Variants in ERMP1 observed in about 807,000 individuals in gnomAD.
The protein encoded by ERMP1 is Felix-ina.
In ERMP1, 86 loss-of-function variants were observed where a neutral mutation model predicts 92.0. The ratio of observed to expected loss-of-function variants is 0.93; its 90% CI spans 0.79 to 1.12. ERMP1 has a LOEUF of 1.12. Ranked by LOEUF, ERMP1 falls within the 50% of genes most tolerant of loss-of-function variation. ERMP1 has a pLI of 0.00. For missense variants in ERMP1, 1,342 were observed against 1,116.3 expected (o/e 1.20, Z -2.88); for synonymous variants, 530 against 412.8 (o/e 1.28, Z -3.44).
chr9:5,865,335 G>A (rs139204051), intron 5 of ERMP1, among the ~76,000 whole-genome samples: 3 of 151,448 alleles, frequency 2.0e-5, no homozygotes, highest in South Asian at 2.1e-4. Context: ...GTGAAACCCC[G>A]TCTCTACTAA....
intron 2 of ERMP1, among the ~76,000 whole-genome samples, chr9:5,825,721 G>C (rs990369154): frequency 6.6e-6 from 1 of 152,030 alleles, no homozygotes; most frequent in Non-Finnish European, 1.5e-5. Context: ...TTCCTTTAAG[G>C]CTTCTCCAAG....
chr9:5,806,364 GATTT>G (rs1013193148), intron 8 of ERMP1, among the ~76,000 whole-genome samples: 2 of 151,168 alleles, frequency 1.3e-5, no homozygotes, highest in Non-Finnish European at 2.9e-5. Flanking sequence ...CAGTTTTTGA[GATTT>G]AAAGTCCAAG....
chr9:5,788,326 T>A (rs1828025896), intron 13 of ERMP1, among the ~76,000 whole-genome samples: 1 of 152,152 alleles, frequency 6.6e-6, no homozygotes, highest in African/African-American at 2.4e-5. Flanking sequence ...ACTACTATAG[T>A]GTCCAGTCAA....
At chr9:5,831,164 T>C (rs1829924398) in intron 1 of ERMP1, 136 bp from the exon 2 acceptor site, 1 of 631,140 alleles carries the variant, frequency 1.6e-6, no homozygotes, top group Non-Finnish European at 2.7e-6. Flanking sequence ...CGCCTTTCAT[T>C]ATTTCAGACA....
rs1198801022 is a variant in ERMP1, at chr9:5,832,842, C to G, written c.186G>C (p.Arg62Ser). The G allele has an allele frequency of 2.7e-6, 4 of 1,503,936 alleles. No individual in the cohort carries two copies. Among genetic ancestry groups the G allele is most frequent in the Non-Finnish European group, 3.5e-6 (4 of 1,134,616 alleles). The allele number at this position is 1,503,936 out of a possible 1,614,324, so 93.2% of individuals were successfully genotyped here. A position where few individuals can be genotyped will look rare whatever the true frequency, so the allele number is the denominator to read the frequency against. ...RSPGGSGGAS[R>S]GAGTGLSEVR... ...CCTCAGACAGCCCGGTCCCCGCGCC[C>G]CTGCTCGCGCCGCCGCTACCCCCGG... is the stretch of plus-strand genomic sequence containing the variant. Residue 62 changes from arginine to serine, a missense_variant, in exon 1 of 15, where the codon AGG (arginine) becomes AGC (serine). By Grantham distance (110) the Arg-to-Ser change is moderately radical (BLOSUM62 -1). Transcript: ENST00000339450.
chr9:5,812,282 A>C, intron 5 of ERMP1, 65 bp from the exon 6 acceptor site: 1 of 908,514 alleles, frequency 1.1e-6, no homozygotes, highest in South Asian at 1.7e-5. Flanking sequence ...CTTTCGACCT[A>C]TTTCTTTAAT....
At chr9:5,823,343 C>T (rs1829612636) in intron 4 of ERMP1, among the ~76,000 whole-genome samples, 1 of 152,102 alleles carries the variant, frequency 6.6e-6, no homozygotes, top group African/African-American at 2.4e-5. Flanking sequence ...TAACATTCCA[C>T]TAAATCAATG....
chr9:5,824,103 T>C (rs1829644912), intron 3 of ERMP1, 102 bp from the exon 4 acceptor site: 2 of 821,124 alleles, frequency 2.4e-6, no homozygotes, highest in African/African-American at 1.7e-5. Flanking sequence ...AGGTAAGGAA[T>C]ATGAAAACAA....
chr9:5,832,085 TAAAA>T (rs71487835), intron 1 of ERMP1, among the ~76,000 whole-genome samples: 1 of 135,828 alleles, frequency 7.4e-6, no homozygotes, highest in African/African-American at 2.7e-5. Flanking sequence ...TTAAAGGTCT[TAAAA>T]AAAAAAAAAA....
chr9:5,837,694 G>A (rs976667706), upstream of ERMP1, among the ~76,000 whole-genome samples: 1 of 152,052 alleles, frequency 6.6e-6, no homozygotes, highest in Non-Finnish European at 1.5e-5. Context: ...ATATGCATGC[G>A]TGCACAAAAA....
At chr9:5,837,440 TAATC>T (rs1243802151), upstream of ERMP1, among the ~76,000 whole-genome samples, 3 of 152,250 alleles carry the variant, frequency 2.0e-5, no homozygotes, top group Admixed American at 1.3e-4. Flanking sequence ...ATATTTATAA[TAATC>T]AAGACTCAAA....
chr9:5,797,961 G>T, intron 12 of ERMP1, 29 bp from the exon 13 acceptor site: 5 of 1,409,946 alleles, frequency 3.5e-6, no homozygotes, highest in Non-Finnish European at 5.0e-6. Context: ...TCAGTTTTAG[G>T]GTGCTTTATT....
chr9:5,828,361 G>A (rs949436429), intron 2 of ERMP1, among the ~76,000 whole-genome samples: 1 of 152,148 alleles, frequency 6.6e-6, no homozygotes, highest in Non-Finnish European at 1.5e-5. Context: ...CCCCTTGTTT[G>A]CCTAAAAGCA....
At chr9:5,850,405 CAAA>C (rs59464514) in intron 6 of ERMP1, among the ~76,000 whole-genome samples, 9 of 40,598 alleles carry the variant, frequency 2.2e-4, no homozygotes, top group East Asian at 1.0e-3. Flanking sequence ...AACTCCGTCT[CAAA>C]AAAAAAAAAA....
upstream of ERMP1, among the ~76,000 whole-genome samples, chr9:5,834,959 T>TA (rs113512744): frequency 2.7e-4 from 39 of 143,590 alleles, no homozygotes; most frequent in South Asian, 6.6e-4. Context: ...GATAGACAGA[T>TA]GATAGATGGA....
At position 5,823,877 on chromosome 9, in the gene ERMP1, A is replaced by C. The variant is rs745771582; in HGVS notation, c.874+19T>G. 46 of 1,513,560 alleles carry C rather than the reference A, an allele frequency of 3.0e-5. No individual in the cohort carries two copies. The highest frequency in any genetic ancestry group is 4.1e-5 in the Non-Finnish European group (45 of 1,096,582). 93.8% of individuals were successfully genotyped at this position (1,513,560 alleles called of 1,614,324 possible). ...AAACTAGAATTGCATTAAAATATAC[A>C]ACGCACAATCTCACATACCTGTTTG... On this transcript the variant is annotated intron_variant, in intron 4 of 14. Coordinates refer to ENST00000339450, the MANE Select transcript of ERMP1 (RefSeq NM_024896.3).
chr9:5,814,598 CA>C (rs1396842139), intron 4 of ERMP1, among the ~76,000 whole-genome samples: 1 of 152,072 alleles, frequency 6.6e-6, no homozygotes, highest in Non-Finnish European at 1.5e-5. Context: ...CAAAAATAAG[CA>C]GGGCATGGTA....
chr9:5,798,452 G>C (rs1828536445), intron 12 of ERMP1, among the ~76,000 whole-genome samples: 1 of 151,990 alleles, frequency 6.6e-6, no homozygotes, highest in Non-Finnish European at 1.5e-5. Flanking sequence ...CCGACCTCAG[G>C]TGATCCACCC....
At chr9:5,845,188 T>A (rs899069560) in intron 6 of ERMP1, among the ~76,000 whole-genome samples, 12 of 151,946 alleles carry the variant, frequency 7.9e-5, no homozygotes, top group Admixed American at 3.9e-4. Context: ...AATTTTTTTA[T>A]AAATCATTGT....
Sources: allele counts gnomAD v4.1 joint callset (sites outside exome capture counted in the v4.1 genomes callset), GRCh38; gene constraint gnomAD v4.1.1; transcripts MANE v1.5; gene names NCBI Gene and HGNC (gene_info 2026-07-23, HGNC 2026-07-21).